Variants in DHX36 observed in about 807,000 individuals in gnomAD.
DHX36 encodes DEAH-box helicase 36.
A neutral mutation model predicts 139.0 loss-of-function variants in DHX36; 50 were observed. The observed-to-expected ratio is 0.36, with a 90% CI of 0.29 to 0.46. The LOEUF is 0.46. DHX36 is among the 20% of genes least tolerant of loss of function. The pLI is 1.00. For missense variants in DHX36, 1,024 were observed against 1,211.3 expected (o/e 0.85, Z 2.29); for synonymous variants, 425 against 401.9 (o/e 1.06, Z -0.69).
At chr3:154,283,037 A>C in intron 20 of DHX36, 151 bp downstream of exon 20, 1 of 529,716 alleles carries the variant, frequency 1.9e-6, no homozygotes, top group Non-Finnish European at 3.4e-6. Flanking sequence ...AGTTGATTTC[A>C]GAAAGATCCC....
intron 6 of DHX36, among the ~76,000 whole-genome samples, chr3:154,305,737 C>T (rs1472616475): frequency 6.6e-6 from 1 of 152,132 alleles, no homozygotes; most frequent in East Asian, 1.9e-4. Flanking sequence ...TGCACTTCAG[C>T]CAGAGCAACA....
In DHX36 at chr3:154,311,676, T is replaced by C; in HGVS notation, c.604-2A>G. ...CGAAGGCAGCTTTTCTCTGAAATGC[T>C]GAAATTTAAAAAAAGTTTTAAATTT... On this transcript the variant is annotated splice_acceptor_variant, in intron 3 of 24. Coordinates refer to ENST00000496811, the MANE Select transcript of DHX36 (RefSeq NM_020865.3). LOFTEE classifies it high-confidence loss of function. The C allele has an allele frequency of 6.3e-7, 1 of 1,595,640 alleles. No homozygotes were observed. The highest frequency in any genetic ancestry group is 8.5e-7 in the Non-Finnish European group (1 of 1,173,816).
chr3:154,284,947 A>T lies in DHX36; in HGVS notation c.2072T>A (p.Val691Asp). 1 of 1,614,092 alleles carries T rather than the reference A, an allele frequency of 6.2e-7. No individual in the cohort carries two copies. The change falls in exon 18 of 25, where the codon GTC (valine) becomes GAC (aspartate). Residue 691 changes from valine to aspartate, a missense_variant. Physicochemically the swap from Val to Asp is radical, Grantham distance 152. This residue lies in a region of DHX36 where 470 missense variants were observed against 616.2 expected (regional missense o/e 0.76). Coordinates refer to ENST00000496811, the MANE Select transcript of DHX36 (RefSeq NM_020865.3). ...CTCAACGGGTAATCGTGCCAAGTGG[A>T]CTCCAAGAGGTGTCAATTCTTCTTG... ...DKQEELTPLG[V>D]HLARLPVEPH...
intron 15 of DHX36, among the ~76,000 whole-genome samples, chr3:154,291,456 T>C (rs1289838768): frequency 1.3e-5 from 2 of 152,202 alleles, no homozygotes; most frequent in African/African-American, 2.4e-5. Context: ...TTAGAGGTGA[T>C]GGGTCTACAT....
intron 12 of DHX36, 53 bp downstream of exon 12, chr3:154,299,785 A>G (rs1712194450): frequency 7.6e-7 from 1 of 1,315,728 alleles, no homozygotes; most frequent in South Asian, 1.2e-5. Flanking sequence ...TACACATCAT[A>G]TATAATTCAA....
At chr3:154,276,922 T>C (rs1388778492) in intron 23 of DHX36, 23 bp from the exon 24 acceptor site, 1 of 1,597,248 alleles carries the variant, frequency 6.3e-7, no homozygotes, top group Non-Finnish European at 8.5e-7. Flanking sequence ...TTAAAGTGAA[T>C]TAATACATTC....
Position 154,292,675 on chromosome 3 carries a change from C to A in DHX36, c.1690G>T (p.Val564Phe), listed in dbSNP as rs754807929. ...AETSITIDDVVYVIDGGKIKE... is the reference protein window; with the variant it reads ...AETSITIDDVFYVIDGGKIKE... ...ATTTTTCCTCCATCTATCACATAAA[C>A]GACATCATCTATGGTAATGCTGTTT... The change falls in exon 15 of 25, where the codon GTT (valine) becomes TTT (phenylalanine). Residue 564 changes from valine to phenylalanine, a missense_variant. This residue lies in a region of DHX36 where 470 missense variants were observed against 616.2 expected (regional missense o/e 0.76). Coordinates refer to ENST00000496811, the MANE Select transcript of DHX36 (RefSeq NM_020865.3). 1.2e-6 allele frequency: 2 copies of A among 1,611,238 alleles called. No homozygotes were observed. Among genetic ancestry groups the A allele is most frequent in the Non-Finnish European group, 1.7e-6 (2 of 1,178,934 alleles).
rs1308801368 is a variant in DHX36, at chr3:154,272,753, T to C, written c.*3418A>G. The stretch of plus-strand genomic sequence containing the variant: ...TTAGCATATTAAAAATATATAAGTA[T>C]ACATGATCACAATGACTTATAAATA... On this transcript the variant is annotated 3_prime_UTR_variant, in exon 25 of 25. Transcript: ENST00000496811. 6.6e-6 allele frequency: 1 copy of C among 152,030 alleles called. No homozygotes were observed. The highest frequency in any genetic ancestry group is 1.5e-5 in the Non-Finnish European group (1 of 68,008). 9.4% of individuals were successfully genotyped at this position (152,030 alleles called of 1,614,324 possible).
At chr3:154,282,717 G>T (rs1040510920) in intron 20 of DHX36, among the ~76,000 whole-genome samples, 18 of 152,110 alleles carry the variant, frequency 1.2e-4, no homozygotes, top group Admixed American at 9.8e-4. Flanking sequence ...AGAAGATGAG[G>T]ATATTTCTAT....
At chr3:154,305,000 T>C (rs1712445269) in intron 7 of DHX36, 28 bp from the exon 8 acceptor site, 4 of 1,596,264 alleles carry the variant, frequency 2.5e-6, no homozygotes, top group South Asian at 1.1e-5. Context: ...AGTACAAAAT[T>C]TTAAAACCAT....
rs1164864069 is a variant in DHX36, at chr3:154,324,476, G to A, written c.-60C>T. 1.4e-6 allele frequency: 2 copies of A among 1,434,608 alleles called. No individual in the cohort carries two copies. Among genetic ancestry groups the A allele is most frequent in the African/African-American group, 1.4e-5 (1 of 69,922 alleles). 88.9% of individuals were successfully genotyped at this position (1,434,608 alleles called of 1,614,324 possible). A position where few individuals can be genotyped will look rare whatever the true frequency, so the allele number is the denominator to read the frequency against. On this transcript the variant is annotated 5_prime_UTR_variant, in exon 1 of 25. Coordinates refer to ENST00000496811, the MANE Select transcript of DHX36 (RefSeq NM_020865.3). ...ACCGCTGGAAATGGCGTCCGGGCCC[G>A]GAAGCCACTGTGCGCCCACTTCCGT...
chr3:154,276,617 A>AT, intron 24 of DHX36, 130 bp downstream of exon 24: 1 of 1,083,194 alleles, frequency 9.2e-7, no homozygotes, highest in Non-Finnish European at 1.3e-6. Flanking sequence ...ACCAGGAATC[A>AT]TTTTTTCAAA....
rs80164027 is a variant in DHX36, at chr3:154,293,649, A to G, written c.1670+99T>C. The G allele has an allele frequency of 4.0e-3, 3,224 of 814,330 alleles. 64 individuals carry two copies. In the African/African-American group the frequency reaches 0.048, roughly 12 times the overall value. The allele number at this position is 814,330 out of a possible 1,614,324, so 50.4% of individuals were successfully genotyped here. On this transcript the variant is annotated intron_variant, in intron 14 of 24. Coordinates refer to ENST00000496811, the MANE Select transcript of DHX36 (RefSeq NM_020865.3). ...AAAGGTTTTATTTTTAATAAATTAC[A>G]AGGTATATGGTAGAGAAAAAAGATT...
chr3:154,276,741 A>C lies in DHX36; in HGVS notation c.2841+6T>G, dbSNP rs550827541. Reference sequence around the variant, plus strand: ...AGATTTAAGATAATCACATAAAGTCAGTCACCTTAACAAGATGGGCAATTC... The same window carrying C: ...AGATTTAAGATAATCACATAAAGTCCGTCACCTTAACAAGATGGGCAATTC... On this transcript the variant is annotated splice_donor_region_variant and intron_variant, in intron 24 of 24. Transcript: ENST00000496811. The C allele has an allele frequency of 6.2e-7, 1 of 1,613,338 alleles. No individual in the cohort carries two copies. Among genetic ancestry groups the C allele is most frequent in the African/African-American group, 1.3e-5 (1 of 75,036 alleles).
rs1233495240 is a variant in DHX36 at position 154,304,796 on chromosome 3, T to C, written c.1135+10A>G. 2.3e-5 allele frequency: 36 copies of C among 1,534,268 alleles called. No homozygotes were observed. The highest frequency in any genetic ancestry group is 3.1e-5 in the Non-Finnish European group (36 of 1,145,508). The stretch of plus-strand genomic sequence containing the variant: ...CCTTTTCTAATGTAATAACTATACA[T>C]TTTACTCACCAAAATATTCTGAAAA... On this transcript the variant is annotated intron_variant, in intron 8 of 24. Transcript: ENST00000496811.
chr3:154,304,164 A>T (rs905298272), intron 8 of DHX36, among the ~76,000 whole-genome samples: 4 of 152,232 alleles, frequency 2.6e-5, no homozygotes, highest in African/African-American at 9.6e-5. Context: ...GCTGATGACA[A>T]GAACATTTAT....
At chr3:154,291,309 A>G (rs1449196165) in intron 15 of DHX36, among the ~76,000 whole-genome samples, 1 of 152,164 alleles carries the variant, frequency 6.6e-6, no homozygotes, top group Non-Finnish European at 1.5e-5. Context: ...CCTACCGCAC[A>G]GGAGTGAGGA....
Position 154,274,347 on chromosome 3 carries a change from A to G in DHX36, c.*1824T>C. 1 of 191,462 alleles carries G rather than the reference A, an allele frequency of 5.2e-6. No homozygotes were observed. Among genetic ancestry groups the G allele is most frequent in the Non-Finnish European group, 1.0e-5 (1 of 95,330 alleles). 11.9% of individuals were successfully genotyped at this position (191,462 alleles called of 1,614,324 possible). ...CAAAACAAAACAAAACAAAAAACCAACAAAAAACTAACAATATCCTATTAA... is the reference window on the plus strand; with the variant it reads ...CAAAACAAAACAAAACAAAAAACCAGCAAAAAACTAACAATATCCTATTAA... On this transcript the variant is annotated 3_prime_UTR_variant, in exon 25 of 25. Transcript: ENST00000496811.
In DHX36 at chr3:154,293,816, TA is replaced by T; in HGVS notation, c.1606-5del. On this transcript the variant is annotated splice_polypyrimidine_tract_variant and splice_region_variant and intron_variant, in intron 13 of 24. Transcript: ENST00000496811. ...CAGGAGGGGTTCTTTTAAACACCTG[TA>T]AAAATAAATACATCAGAATCACAAA... 1 of 1,605,828 alleles carries T rather than the reference TA, an allele frequency of 6.2e-7. No homozygotes were observed. The highest frequency in any genetic ancestry group is 8.5e-7 in the Non-Finnish European group (1 of 1,173,098).
Sources: gnomAD v4.1 joint callset for allele counts (sites outside exome capture counted in the v4.1 genomes callset) on GRCh38, gnomAD v4.1.1 for gene constraint, gnomAD v4.1.1 regional missense constraint, MANE v1.5 for transcripts, NCBI Gene and HGNC (gene_info 2026-07-23, HGNC 2026-07-21) for gene names.